The following LAMB3 variants were observed in gnomAD, a reference collection of about 807,000 sequenced individuals.
The protein encoded by LAMB3 is laminin subunit beta 3.
In LAMB3, 104 loss-of-function variants were observed where a neutral mutation model predicts 140.3. The ratio of observed to expected loss-of-function variants is 0.74; its 90% CI spans 0.63 to 0.87. The LOEUF (loss-of-function observed/expected upper bound fraction) is 0.87. Among genes scored for constraint, LAMB3 ranks in the 40% least tolerant of loss-of-function variants. The pLI, the probability that LAMB3 is intolerant of heterozygous loss-of-function variation, is 0.00. For missense variants in LAMB3, 1,531 were observed against 1,575.2 expected (o/e 0.97, Z 0.47); for synonymous variants, 592 against 602.9 (o/e 0.98, Z 0.26).
chr1:209,645,361 A>G (rs2076506949), intron 3 of LAMB3, among the ~76,000 whole-genome samples: 2 of 152,174 alleles, frequency 1.3e-5, no homozygotes, highest in South Asian at 4.1e-4. Flanking sequence ...CCAAAACAGT[A>G]AACTCCCAAG....
chr1:209,650,153 G>GA, intron 2 of LAMB3, 35 bp from the exon 3 acceptor site: 1 of 1,593,752 alleles, frequency 6.3e-7, no homozygotes, highest in Non-Finnish European at 8.5e-7. Flanking sequence ...GAGCAGTCCA[G>GA]AAAAAAAGGG....
At chr1:209,636,950 A>G (rs1666915179) in intron 5 of LAMB3, among the ~76,000 whole-genome samples, 1 of 152,208 alleles carries the variant, frequency 6.6e-6, no homozygotes, top group Non-Finnish European at 1.5e-5. Context: ...ATTCATCTTT[A>G]TATCCCTAAC....
chr1:209,638,100 A>T, intron 4 of LAMB3, 119 bp from the exon 5 acceptor site: 2 of 818,476 alleles, frequency 2.4e-6, no homozygotes, highest in Non-Finnish European at 4.1e-6. Context: ...TGATTTTCCA[A>T]ACTCCCTCTT....
chr1:209,625,919 G>T lies in LAMB3; in HGVS notation c.1705C>A (p.Arg569=), dbSNP rs201551805. The T allele has an allele frequency of 2.5e-6, 4 of 1,613,722 alleles. No homozygotes were observed. The highest frequency in any genetic ancestry group is 3.4e-6 in the Non-Finnish European group (4 of 1,179,906). The part of the protein sequence containing the change: ...LTGPRCDQCQ[R]GYCNRYPVCV... ...ACCGGGTAGCGATTACAGTAGCCTC[G>T]CTGGCACTGGTCACAGCGGGGCCCG... The change falls in exon 14 of 23, where the codon CGA becomes AGA. Residue 569 remains arginine (R), a synonymous_variant. Coordinates refer to ENST00000356082, the MANE Select transcript of LAMB3 (RefSeq NM_000228.3).
In LAMB3 at chr1:209,625,929, G is replaced by A; in HGVS notation, c.1695C>T (p.Asp565=). Residue 565 remains aspartate, a synonymous_variant, in exon 14 of 23, where the codon GAC becomes GAT. Coordinates refer to ENST00000356082, the MANE Select transcript of LAMB3 (RefSeq NM_000228.3). ...GATTACAGTAGCCTCGCTGGCACTG[G>A]TCACAGCGGGGCCCGGTCAAGCCAG... ...CRPGLTGPRC[D]QCQRGYCNRY... 1.2e-6 allele frequency: 2 copies of A among 1,613,834 alleles called. No homozygotes were observed. The highest frequency in any genetic ancestry group is 1.7e-4 in the Middle Eastern group (1 of 6,060).
chr1:209,639,938 G>A (rs1445685893), intron 3 of LAMB3, among the ~76,000 whole-genome samples: 5 of 152,142 alleles, frequency 3.3e-5, no homozygotes, highest in Non-Finnish European at 7.3e-5. Flanking sequence ...ACAAAGAACC[G>A]ACCCAAAGAG....
Position 209,623,482 on chromosome 1 carries a change from T to A in LAMB3, c.2358+23A>T. On this transcript the variant is annotated intron_variant, in intron 16 of 22. Coordinates refer to ENST00000356082, the MANE Select transcript of LAMB3 (RefSeq NM_000228.3). The surrounding 1 kb of genome is among the most constrained non-coding windows in gnomAD (Gnocchi z 4.2). Reference sequence around the variant, plus strand: ...AAGCTGGGGTGTGGGCTCCAGGAAGTGGGACTCCATGCCCCAAGTCACCTT... The same window carrying A: ...AAGCTGGGGTGTGGGCTCCAGGAAGAGGGACTCCATGCCCCAAGTCACCTT... 5 of 1,607,134 alleles carry A rather than the reference T, an allele frequency of 3.1e-6. No homozygotes were observed. The highest frequency in any genetic ancestry group is 4.3e-6 in the Non-Finnish European group (5 of 1,173,756).
intron 3 of LAMB3, among the ~76,000 whole-genome samples, chr1:209,643,286 G>C (rs145282219): frequency 1.3e-5 from 2 of 151,846 alleles, no homozygotes; most frequent in Non-Finnish European, 2.9e-5. Flanking sequence ...TTCTCAGTGT[G>C]AGAATCTCTC....
rs2102401872 is a variant in LAMB3, at chr1:209,615,391, C to A, written c.3399G>T (p.Leu1133=). The A allele has an allele frequency of 2.5e-6, 4 of 1,605,946 alleles. No individual in the cohort carries two copies. The highest frequency in any genetic ancestry group is 2.6e-6 in the Non-Finnish European group (3 of 1,174,832). ...MDRMKDMELE[L]LRGSQAIMLR... ...GCATGATGGCCTGGCTGCCCCGCAG[C>A]AGCTCCAACTCCATGTCTGAGGCAA... The change falls in exon 23 of 23, where the codon CTG becomes CTT. Residue 1133 remains leucine, a synonymous_variant. Transcript: ENST00000356082.
Position 209,623,262 on chromosome 1 carries a change from C to T in LAMB3, c.2359-83G>A. 7.4e-7 allele frequency: 1 copy of T among 1,353,214 alleles called. No individual in the cohort carries two copies. Among genetic ancestry groups the T allele is most frequent in the Non-Finnish European group, 1.0e-6 (1 of 955,940 alleles). 83.8% of individuals were successfully genotyped at this position (1,353,214 alleles called of 1,614,324 possible). A position where few individuals can be genotyped will look rare whatever the true frequency, so the allele number is the denominator to read the frequency against. ...ACCCCACACCTGGGAAACCAACAGC[C>T]AGACATCTCCATGACAACCAAGCAC... On this transcript the variant is annotated intron_variant, in intron 16 of 22. Transcript: ENST00000356082. The surrounding 1 kb of genome is among the most constrained non-coding windows in gnomAD (Gnocchi z 4.2).
chr1:209,639,768 G>T (rs905993597), intron 3 of LAMB3, among the ~76,000 whole-genome samples: 7 of 152,106 alleles, frequency 4.6e-5, no homozygotes, highest in Non-Finnish European at 8.8e-5. Context: ...AACCCTGTGC[G>T]CAGCTTAAAC....
At chr1:209,651,129 T>A in intron 1 of LAMB3, 148 bp from the exon 2 acceptor site, 3 of 675,534 alleles carry the variant, frequency 4.4e-6, no homozygotes, top group Non-Finnish European at 8.3e-6. Flanking sequence ...CAGATACATT[T>A]GTAGCTTGGA....
rs1415280970 is a variant in LAMB3 at position 209,630,655 on chromosome 1, G to T, written c.903C>A (p.Pro301=). ...ERCAPFYNNR[P]WRPAEGQDAH... ...CGTCCTGGCCCTCCGCCGGTCTCCA[G>T]GGCCGGTTGTTGTAGAAGGGTGCAC... is the stretch of plus-strand genomic sequence containing the variant. The change falls in exon 9 of 23, where the codon CCC becomes CCA. Residue 301 remains proline (P), a synonymous_variant. Transcript: ENST00000356082. 5 of 1,614,032 alleles carry T rather than the reference G, an allele frequency of 3.1e-6. No homozygotes were observed. Among genetic ancestry groups the T allele is most frequent in the Non-Finnish European group, 4.2e-6 (5 of 1,180,042 alleles).
chr1:209,634,917 TTC>T (rs59855467), intron 5 of LAMB3, among the ~76,000 whole-genome samples: 17,859 of 135,850 alleles, frequency 0.13, 1,242 homozygotes, highest in South Asian at 0.27. Flanking sequence ...CCATTTTTTA[TTC>T]TCTCTCTCTC....
At chr1:209,633,430 A>C (rs560775292) in intron 6 of LAMB3, among the ~76,000 whole-genome samples, 1 of 152,210 alleles carries the variant, frequency 6.6e-6, no homozygotes, top group Non-Finnish European at 1.5e-5. Context: ...TATCATCTAC[A>C]TATAAGGGTT....
chr1:209,627,711 G>A, intron 11 of LAMB3, 132 bp from the exon 12 acceptor site: 1 of 863,154 alleles, frequency 1.2e-6, no homozygotes, highest in Non-Finnish European at 1.9e-6. Flanking sequence ...TGACATGGCT[G>A]ACTCACAGGA....
Position 209,625,996 on chromosome 1 carries a change from C to T in LAMB3, c.1628G>A (p.Gly543Asp), listed in dbSNP as rs1396593712. The change falls in exon 14 of 23, where the codon GGC becomes GAC. Residue 543 changes from glycine (G) to aspartate (D), a missense_variant. Gly to Asp is a moderately conservative substitution (Grantham distance 94). Transcript: ENST00000356082. ...ACDCDFRGTE[G>D]PGCDKASGRC... ...GCCTGATGCCTTGTCGCAGCCCGGGCCCTCTGTTCCCCGGAAATCACAGTC... is the reference window on the plus strand; with the variant it reads ...GCCTGATGCCTTGTCGCAGCCCGGGTCCTCTGTTCCCCGGAAATCACAGTC... 4 of 1,612,872 alleles carry T rather than the reference C, an allele frequency of 2.5e-6. No homozygotes were observed. In the East Asian group the frequency reaches 6.7e-5, roughly 27 times the overall value.
At chr1:209,616,090 A>G (rs1455655924) in intron 22 of LAMB3, among the ~76,000 whole-genome samples, 1 of 152,044 alleles carries the variant, frequency 6.6e-6, no homozygotes, top group Non-Finnish European at 1.5e-5. Flanking sequence ...CCTTCACTGA[A>G]CATGTCTCTC....
intron 6 of LAMB3, among the ~76,000 whole-genome samples, chr1:209,633,968 C>T (rs1203754500): frequency 3.3e-5 from 5 of 152,192 alleles, no homozygotes; most frequent in Middle Eastern, 3.2e-3. Context: ...CAGGAGAATT[C>T]GGGCTCTGGG....
Sources: gnomAD v4.1 joint callset for allele counts (sites outside exome capture counted in the v4.1 genomes callset) on GRCh38, gnomAD v4.1.1 for gene constraint, Gnocchi (gnomAD v3.1) non-coding constraint, MANE v1.5 for transcripts, NCBI Gene and HGNC (gene_info 2026-07-23, HGNC 2026-07-21) for gene names.